Variants in IGF2R observed in about 807,000 individuals in gnomAD.
IGF2R encodes the protein insulin like growth factor 2 receptor, also known as cation-independent mannose-6-phosphate receptor.
Under a neutral mutation model 270.6 loss-of-function variants are expected in IGF2R, and 91 were observed. The observed-to-expected ratio is 0.34, with a 90% confidence interval of 0.28 to 0.40. IGF2R has a LOEUF of 0.40. Ranked by LOEUF, IGF2R falls within the 10% of genes least tolerant of loss-of-function variation. IGF2R has a pLI of 1.00. For missense variants in IGF2R, 2,805 were observed against 3,188.3 expected (o/e 0.88, Z 2.90); for synonymous variants, 1,316 against 1,258.9 (o/e 1.05, Z -0.96).
At chr6:159,969,843 G>T (rs1783581505) in intron 1 of IGF2R, among the ~76,000 whole-genome samples, 1 of 152,204 alleles carries the variant, frequency 6.6e-6, no homozygotes, top group African/African-American at 2.4e-5. Flanking sequence ...GAGGCTCACC[G>T]GGGCGTTGGA....
At position 160,044,397 on chromosome 6, in the gene IGF2R, T is replaced by C. The variant is rs1203955319; in HGVS notation, c.1622-117T>C. 1.0e-5 allele frequency: 10 copies of C among 969,118 alleles called. No homozygotes were observed. In the South Asian group the frequency reaches 1.1e-4, roughly 10 times the overall value. The allele number at this position is 969,118 out of a possible 1,614,324, so 60.0% of individuals were successfully genotyped here. A position where few individuals can be genotyped will look rare whatever the true frequency, so the allele number is the denominator to read the frequency against. ...CTGGAGAAGGGCTGCACGTGCTGGG[T>C]TTGGGCTGATTTCTTTCTTTCTTTC... On this transcript the variant is annotated intron_variant, in intron 12 of 47. Coordinates refer to ENST00000356956, the MANE Select transcript of IGF2R (RefSeq NM_000876.4).
Sources: allele counts gnomAD v4.1 joint callset (sites outside exome capture counted in the v4.1 genomes callset), GRCh38; gene constraint gnomAD v4.1.1; transcripts MANE v1.5; gene names NCBI Gene and HGNC (gene_info 2026-07-23, HGNC 2026-07-21).